UBL3: variants seen among roughly 807,000 people sequenced by gnomAD.
UBL3 encodes the protein ubiquitin-like protein 3.
Under a neutral mutation model 18.4 loss-of-function variants are expected in UBL3, and 6 were observed. The ratio of observed to expected loss-of-function variants is 0.33; its 90% CI spans 0.18 to 0.64. The LOEUF is 0.64. UBL3 is among the 30% of genes least tolerant of loss of function. UBL3 has a pLI of 0.76. For missense variants in UBL3, 109 were observed against 142.9 expected (o/e 0.76, Z 1.21); for synonymous variants, 49 against 46.6 (o/e 1.05, Z -0.21).
intron 2 of UBL3, among the ~76,000 whole-genome samples, chr13:29,774,304 T>C (rs1565988534): frequency 6.6e-6 from 1 of 152,124 alleles, no homozygotes; most frequent in Non-Finnish European, 1.5e-5. Flanking sequence ...GTTACAATAC[T>C]GCCCAAATAA....
At position 29,779,330 on chromosome 13, in the gene UBL3, T is replaced by C. The variant is rs375159527; in HGVS notation, c.28-2067A>G. The C allele has an allele frequency of 5.1e-4, 202 of 394,908 alleles. 1 individual carries two copies. The highest frequency in any genetic ancestry group is 3.8e-3 in the African/African-American group (179 of 46,682). 24.5% of individuals were successfully genotyped at this position (394,908 alleles called of 1,614,324 possible). On this transcript the variant is annotated intron_variant, in intron 1 of 4. Transcript: ENST00000380680. ...AACTTATACGGAATATTTAAGGTTC[T>C]TCAGTCATTAATGCCCAAGAAATTC...
At chr13:29,774,398 G>A (rs182349883) in intron 2 of UBL3, among the ~76,000 whole-genome samples, 109 of 151,144 alleles carry the variant, frequency 7.2e-4, no homozygotes, top group Non-Finnish European at 1.3e-3. Context: ...TACTATGACC[G>A]CTCCCCCCAA....
At chr13:29,809,088 T>C (rs988564799) in intron 1 of UBL3, among the ~76,000 whole-genome samples, 1 of 152,108 alleles carries the variant, frequency 6.6e-6, no homozygotes, top group African/African-American at 2.4e-5. Context: ...TGGGTACACA[T>C]GATGTAAAAC....
At chr13:29,791,708 T>C (rs1877483844) in intron 1 of UBL3, among the ~76,000 whole-genome samples, 1 of 152,192 alleles carries the variant, frequency 6.6e-6, no homozygotes, top group South Asian at 2.1e-4. Context: ...ACTGTCACCA[T>C]AGGGTCCATG....
At position 29,764,947 on chromosome 13, in the gene UBL3, T is replaced by G. The variant is rs1876627108; in HGVS notation, c.*2308A>C. ...TATATACTATTAAGGCATCTAAATT[T>G]TTGGTGTTTTCAGTATATAATTTTA... On this transcript the variant is annotated 3_prime_UTR_variant, in exon 5 of 5. Transcript: ENST00000380680. The G allele has an allele frequency of 6.6e-6, 1 of 152,178 alleles. No homozygotes were observed. Among genetic ancestry groups the G allele is most frequent in the South Asian group, 2.1e-4 (1 of 4,836 alleles). 9.4% of individuals were successfully genotyped at this position (152,178 alleles called of 1,614,324 possible). A position where few individuals can be genotyped will look rare whatever the true frequency, so the allele number is the denominator to read the frequency against.
chr13:29,785,942 C>T (rs1162570855), intron 1 of UBL3, among the ~76,000 whole-genome samples: 2 of 152,098 alleles, frequency 1.3e-5, no homozygotes. Context: ...GTCTGAGATT[C>T]CTGAGTAGGG....
At chr13:29,778,430 C>A (rs1353821257) in intron 1 of UBL3, among the ~76,000 whole-genome samples, 1 of 152,078 alleles carries the variant, frequency 6.6e-6, no homozygotes, top group Non-Finnish European at 1.5e-5. Context: ...TTACTCCTGG[C>A]CTTTGTTAAA....
At chr13:29,847,475 G>A (rs1057383715) in intron 1 of UBL3, among the ~76,000 whole-genome samples, 1 of 152,116 alleles carries the variant, frequency 6.6e-6, no homozygotes, top group Non-Finnish European at 1.5e-5. Context: ...ATAAAACCCT[G>A]CTCCTACTTC....
At chr13:29,837,973 T>G (rs188134603) in intron 1 of UBL3, among the ~76,000 whole-genome samples, 1 of 147,150 alleles carries the variant, frequency 6.8e-6, no homozygotes, top group Admixed American at 6.8e-5. Flanking sequence ...TGACAAAAGA[T>G]AGTAAGCCAA....
intron 1 of UBL3, among the ~76,000 whole-genome samples, chr13:29,819,343 T>C (rs979112117): frequency 6.6e-6 from 1 of 152,222 alleles, no homozygotes; most frequent in Non-Finnish European, 1.5e-5. Context: ...GGTGATTTTG[T>C]TGCATTTACC....
At chr13:29,809,949 A>G (rs1877998927) in intron 1 of UBL3, among the ~76,000 whole-genome samples, 2 of 152,160 alleles carry the variant, frequency 1.3e-5, no homozygotes, top group Non-Finnish European at 2.9e-5. Flanking sequence ...TTCAGACTGC[A>G]GAAAATTCAA....
chr13:29,840,349 A>G lies in UBL3; in HGVS notation c.27+9163T>C, dbSNP rs146057824. 7.7e-4 allele frequency among the ~76,000 whole-genome samples: 117 copies of G among 152,314 alleles called. 1 individual carries two copies. The East Asian group carries it at 0.011, about 15-fold the overall frequency. ...TTTATGTACTGACGAAATACAATCA[A>G]TAATCTTCACAAGAAAACTCCAGAG... is the stretch of plus-strand genomic sequence containing the variant. On this transcript the variant is annotated intron_variant, in intron 1 of 4. Transcript: ENST00000380680.
At chr13:29,839,944 A>G (rs1422230130) in intron 1 of UBL3, among the ~76,000 whole-genome samples, 2 of 145,748 alleles carry the variant, frequency 1.4e-5, no homozygotes, top group African/African-American at 5.1e-5. Flanking sequence ...AAAAAAAAAA[A>G]AAGAAGATTT....
intron 1 of UBL3, among the ~76,000 whole-genome samples, chr13:29,843,761 A>G (rs538066767): frequency 5.4e-4 from 83 of 152,348 alleles, no homozygotes; most frequent in African/African-American, 1.8e-3. Flanking sequence ...AAATACTTCA[A>G]CATGCTTTCA....
In UBL3 at chr13:29,777,208, G is replaced by A. The variant is rs779533182; in HGVS notation, c.83C>T (p.Pro28Leu). ...SGKTKEFLFS[P>L]NDSASDIAKH... ...TGCAATGTCAGAAGCAGAATCGTTAGGAGAAAACAGGAACTCTTTTGTTTT... is the reference window on the plus strand; with the variant it reads ...TGCAATGTCAGAAGCAGAATCGTTAAGAGAAAACAGGAACTCTTTTGTTTT... The change falls in exon 2 of 5, where the codon CCT becomes CTT. Residue 28 changes from proline to leucine, a missense_variant. Pro to Leu is a moderately conservative substitution (Grantham distance 98). Transcript: ENST00000380680. 6 of 1,609,948 alleles carry A rather than the reference G, an allele frequency of 3.7e-6. No individual in the cohort carries two copies. The highest frequency in any genetic ancestry group is 4.2e-6 in the Non-Finnish European group (5 of 1,177,988).
At chr13:29,838,324 C>T (rs756445054) in intron 1 of UBL3, among the ~76,000 whole-genome samples, 1 of 152,046 alleles carries the variant, frequency 6.6e-6, no homozygotes, top group African/African-American at 2.4e-5. Context: ...TTGGATAAAA[C>T]GATAATTACC....
At chr13:29,790,077 A>G (rs1468330399) in intron 1 of UBL3, among the ~76,000 whole-genome samples, 1 of 152,226 alleles carries the variant, frequency 6.6e-6, no homozygotes, top group African/African-American at 2.4e-5. Flanking sequence ...AGAAAATAAG[A>G]TCATTTTAAT....
At chr13:29,779,260 T>C (rs764930801) in intron 1 of UBL3, 4 of 504,432 alleles carry the variant, frequency 7.9e-6, no homozygotes, top group South Asian at 3.0e-5. Context: ...TTACTACTCA[T>C]GGTTTTCTCT....
At chr13:29,822,848 C>T (rs1011082483) in intron 1 of UBL3, among the ~76,000 whole-genome samples, 23 of 147,194 alleles carry the variant, frequency 1.6e-4, no homozygotes, top group Admixed American at 1.3e-3. Context: ...CAAAAGGGCA[C>T]ATAATTAAAT....
Sources: gnomAD v4.1 joint callset for allele counts (sites outside exome capture counted in the v4.1 genomes callset) on GRCh38, gnomAD v4.1.1 for gene constraint, MANE v1.5 for transcripts, NCBI Gene and HGNC (gene_info 2026-07-23, HGNC 2026-07-21) for gene names.